Variants in ADAMTS8 observed in about 807,000 individuals in gnomAD.
ADAMTS8 encodes ADAM metallopeptidase with thrombospondin type 1 motif 8, also known as A disintegrin and metalloproteinase with thrombospondin motifs 8.
Under a neutral mutation model 64.4 loss-of-function variants are expected in ADAMTS8, and 50 were observed. The ratio of observed to expected loss-of-function variants is 0.78; its 90% CI spans 0.62 to 0.98. The LOEUF is 0.98. Among genes scored for constraint, ADAMTS8 ranks in the 50% least tolerant of loss-of-function variants. ADAMTS8 has a pLI of 0.00. For synonymous variants in ADAMTS8, 556 were observed against 533.6 expected, an observed-to-expected ratio of 1.04 and a Z score of -0.58; for missense variants, 1,192 against 1,208.2, an observed-to-expected ratio of 0.99 and a Z score of 0.20.
Position 130,416,552 on chromosome 11 carries a change from A to T in ADAMTS8, c.1097-222T>A, listed in dbSNP as rs1312864325. 6.6e-6 allele frequency among the ~76,000 whole-genome samples: 1 copy of T among 152,188 alleles called. No homozygotes were observed. Among genetic ancestry groups the T allele is most frequent in the Non-Finnish European group, 1.5e-5 (1 of 68,038 alleles). ...TATTTTCTGCCTCAGCCCGTCCTGA[A>T]TTTGGATCTAGCTCTGTTATTTGCC... is the stretch of plus-strand genomic sequence containing the variant. On this transcript the variant is annotated intron_variant, in intron 3 of 8. Transcript: ENST00000257359. This position sits in a 1 kb window ranked among gnomAD's most constrained non-coding sequence, Gnocchi z 4.8.
At chr11:130,413,480 C>T (rs765971526) in intron 5 of ADAMTS8, among the ~76,000 whole-genome samples, 27 of 152,168 alleles carry the variant, frequency 1.8e-4, no homozygotes, top group Admixed American at 9.8e-4. Context: ...GGCGATTCAG[C>T]GCTGGCGGGG....
chr11:130,410,539 TTCTTG>T (rs1434504370), intron 6 of ADAMTS8, among the ~76,000 whole-genome samples: 1 of 152,198 alleles, frequency 6.6e-6, no homozygotes, highest in East Asian at 1.9e-4. Context: ...TTGTGGATCC[TTCTTG>T]TCTTGTGAAA....
rs201353768 is a variant in ADAMTS8 at position 130,408,558 on chromosome 11, C to G, written c.2005G>C (p.Val669Leu). 3.1e-6 allele frequency: 5 copies of G among 1,614,234 alleles called. No individual in the cohort carries two copies. The East Asian group carries it at 8.9e-5, about 29-fold the overall frequency. The change falls in exon 8 of 9, where the codon GTG becomes CTG. Residue 669 changes from valine to leucine, a missense_variant. Val to Leu is a conservative substitution (Grantham distance 32, BLOSUM62 1). Transcript: ENST00000257359. Reference sequence around the variant, plus strand: ...TCCAGCTTCCGAGGCGAGTCCACCACATGGTCACAGCCGGCCTTGACACAC... The same window carrying G: ...TCCAGCTTCCGAGGCGAGTCCACCAGATGGTCACAGCCGGCCTTGACACAC... Reference protein sequence around the residue: ...GQCVKAGCDHVVDSPRKLDKC... With the variant: ...GQCVKAGCDHLVDSPRKLDKC...
chr11:130,415,846 G>C (rs1274324261), intron 4 of ADAMTS8, among the ~76,000 whole-genome samples: 6 of 152,134 alleles, frequency 3.9e-5, no homozygotes, highest in African/African-American at 1.4e-4. Flanking sequence ...CGCCTGAGCT[G>C]TTGTAGGTTC....
Position 130,414,684 on chromosome 11 carries a change from GAC to G in ADAMTS8, c.1411_1412del (p.Val471LeufsTer9), listed in dbSNP as rs1565376277. ...RHCPNTSAQD[V>X]CAQLWCHTDG... ...CAGTGTGGCACCAAAGCTGGGCGCAGACGTCCTGAGCAGAGGTGTTGGGGCAG... is the reference window on the plus strand; with the variant it reads ...CAGTGTGGCACCAAAGCTGGGCGCAGGTCCTGAGCAGAGGTGTTGGGGCAG... On this transcript the variant is annotated frameshift_variant, in exon 5 of 9. Coordinates refer to ENST00000257359, the MANE Select transcript of ADAMTS8 (RefSeq NM_007037.6). LOFTEE classifies it high-confidence loss of function. The G allele has an allele frequency of 1.9e-6, 3 of 1,613,882 alleles. No homozygotes were observed. Among genetic ancestry groups the G allele is most frequent in the Non-Finnish European group, 2.5e-6 (3 of 1,180,036 alleles).
rs918903582 is a variant in ADAMTS8, at chr11:130,411,869, G to A, written c.1567-269C>T. 2.8e-5 allele frequency: 13 copies of A among 461,548 alleles called. No homozygotes were observed. The highest frequency in any genetic ancestry group is 5.0e-5 in the Non-Finnish European group (13 of 259,270). The allele number at this position is 461,548 out of a possible 1,614,324, so 28.6% of individuals were successfully genotyped here. On this transcript the variant is annotated intron_variant, in intron 5 of 8. Coordinates refer to ENST00000257359, the MANE Select transcript of ADAMTS8 (RefSeq NM_007037.6). This position sits in a 1 kb window ranked among gnomAD's most constrained non-coding sequence, Gnocchi z 4.2. ...TAGTAAGGTGCTCAATAGGCTATCT[G>A]CTGAATGAATGAATGACACCCTTTT...
chr11:130,413,727 T>C (rs992155885), intron 5 of ADAMTS8, among the ~76,000 whole-genome samples: 5 of 152,212 alleles, frequency 3.3e-5, no homozygotes, highest in African/African-American at 1.2e-4. Context: ...TCCTCCTCTT[T>C]GAATACGGAA....
Position 130,416,227 on chromosome 11 carries a change from G to T in ADAMTS8, c.1200C>A (p.Asn400Lys). 1.3e-6 allele frequency: 2 copies of T among 1,594,940 alleles called. No homozygotes were observed. The highest frequency in any genetic ancestry group is 2.3e-5 in the East Asian group (1 of 43,870). Residue 400 changes from asparagine to lysine, a missense_variant, in exon 4 of 9, where the codon AAC (asparagine) becomes AAA (lysine). Coordinates refer to ENST00000257359, the MANE Select transcript of ADAMTS8 (RefSeq NM_007037.6). The surrounding 1 kb of genome is among the most constrained non-coding windows in gnomAD (Gnocchi z 4.8). ...HVMAPLFVHL[N>K]QTLPWSPCSA... ...TGCAGGGGGACCAGGGCAGCGTCTG[G>T]TTCAGGTGGACGAACAGCGGTGCCA... is the stretch of plus-strand genomic sequence containing the variant.
chr11:130,407,196 A>C (rs1277073787), intron 8 of ADAMTS8, among the ~76,000 whole-genome samples: 1 of 151,994 alleles, frequency 6.6e-6, no homozygotes, highest in Non-Finnish European at 1.5e-5. Context: ...GACGAAACCC[A>C]GTCTCTACTA....
At chr11:130,421,269 G>C (rs995997450) in intron 1 of ADAMTS8, among the ~76,000 whole-genome samples, 1 of 152,198 alleles carries the variant, frequency 6.6e-6, no homozygotes, top group African/African-American at 2.4e-5. Flanking sequence ...ACCGGAGGAA[G>C]GTGAGGGTTA....
intron 5 of ADAMTS8, among the ~76,000 whole-genome samples, chr11:130,413,074 T>TTGGTGAGGC (rs1861973236): frequency 6.6e-6 from 1 of 152,004 alleles, no homozygotes; most frequent in Non-Finnish European, 1.5e-5. Flanking sequence ...TTTCACCATG[T>TTGGTGAGGC]TGGTGAGGCT....
chr11:130,416,473 G>A lies in ADAMTS8; in HGVS notation c.1097-143C>T, dbSNP rs1862026802. 3 of 949,356 alleles carry A rather than the reference G, an allele frequency of 3.2e-6. No homozygotes were observed. The highest frequency in any genetic ancestry group is 2.9e-5 in the Admixed American group (1 of 34,138). 58.8% of individuals were successfully genotyped at this position (949,356 alleles called of 1,614,324 possible). A position where few individuals can be genotyped will look rare whatever the true frequency, so the allele number is the denominator to read the frequency against. ...ATTTCTGCGTAGGGCTTTCCCCTGC[G>A]CTTTGCTCTTCCAGGACGCGTTCTC... On this transcript the variant is annotated intron_variant, in intron 3 of 8. Coordinates refer to ENST00000257359, the MANE Select transcript of ADAMTS8 (RefSeq NM_007037.6). This position sits in a 1 kb window ranked among gnomAD's most constrained non-coding sequence, Gnocchi z 4.8.
At chr11:130,420,690 G>A (rs1261472890) in intron 1 of ADAMTS8, among the ~76,000 whole-genome samples, 1 of 152,114 alleles carries the variant, frequency 6.6e-6, no homozygotes, top group African/African-American at 2.4e-5. Context: ...CACAGGCAAT[G>A]AGCCAGGTAT....
In ADAMTS8 at chr11:130,416,397, G is replaced by A; in HGVS notation, c.1097-67C>T. The A allele has an allele frequency of 1.4e-6, 2 of 1,462,312 alleles. No homozygotes were observed. Among genetic ancestry groups the A allele is most frequent in the Non-Finnish European group, 1.8e-6 (2 of 1,102,524 alleles). 90.6% of individuals were successfully genotyped at this position (1,462,312 alleles called of 1,614,324 possible). A position where few individuals can be genotyped will look rare whatever the true frequency, so the allele number is the denominator to read the frequency against. Reference sequence around the variant, plus strand: ...AGGGCGCCCCACCTGGCCCAGCTAGGGACAGAGATGGAGCTCCTCAGGGGA... The same window carrying A: ...AGGGCGCCCCACCTGGCCCAGCTAGAGACAGAGATGGAGCTCCTCAGGGGA... On this transcript the variant is annotated intron_variant, in intron 3 of 8. Coordinates refer to ENST00000257359, the MANE Select transcript of ADAMTS8 (RefSeq NM_007037.6). This position sits in a 1 kb window ranked among gnomAD's most constrained non-coding sequence, Gnocchi z 4.8.
intron 5 of ADAMTS8, 97 bp downstream of exon 5, chr11:130,414,434 C>G (rs1861992272): frequency 7.1e-7 from 1 of 1,416,336 alleles, no homozygotes; most frequent in Non-Finnish European, 9.5e-7. Flanking sequence ...TCATGACTCT[C>G]AAGTGTGGTT....
chr11:130,424,843 C>A (rs1452977696), intron 1 of ADAMTS8, among the ~76,000 whole-genome samples: 1 of 152,114 alleles, frequency 6.6e-6, no homozygotes, highest in African/African-American at 2.4e-5. Flanking sequence ...CTCAGTCCCT[C>A]CCCCACCCGC....
In ADAMTS8 at chr11:130,405,843, G is replaced by A. The variant is rs753432356; in HGVS notation, c.2385C>T (p.Gly795=). The A allele has an allele frequency of 4.3e-5, 70 of 1,613,790 alleles. No homozygotes were observed. The highest frequency in any genetic ancestry group is 2.0e-4 in the Admixed American group (12 of 60,012). Residue 795 remains glycine (G), a synonymous_variant, in exon 9 of 9, where the codon GGC becomes GGT. Coordinates refer to ENST00000257359, the MANE Select transcript of ADAMTS8 (RefSeq NM_007037.6). ...ATTTGACTTTTGGGGGGAAGACCTC[G>A]CCAGGGACTGTCAGGAGCTGCACTG... ...PLTVQLLTVP[G]EVFPPKVKYT...
intron 1 of ADAMTS8, among the ~76,000 whole-genome samples, chr11:130,424,685 T>G (rs1192858006): frequency 6.6e-6 from 1 of 152,186 alleles, no homozygotes; most frequent in Non-Finnish European, 1.5e-5. Flanking sequence ...AACTTGATTT[T>G]CATTCTTCTC....
Position 130,416,983 on chromosome 11 carries a change from C to G in ADAMTS8, c.1053G>C (p.Glu351Asp). 1.9e-6 allele frequency: 3 copies of G among 1,614,138 alleles called. No individual in the cohort carries two copies. Among genetic ancestry groups the G allele is most frequent in the Non-Finnish European group, 2.5e-6 (3 of 1,180,038 alleles). Residue 351 changes from glutamate (E) to aspartate (D), a missense_variant, in exon 3 of 9, where the codon GAG becomes GAC. By Grantham distance (45) the Glu-to-Asp change is conservative (BLOSUM62 2). This residue lies in a region of ADAMTS8 where 741 missense variants were observed against 710.6 expected (regional missense o/e 1.04). Coordinates refer to ENST00000257359, the MANE Select transcript of ADAMTS8 (RefSeq NM_007037.6). This position sits in a 1 kb window ranked among gnomAD's most constrained non-coding sequence, Gnocchi z 4.8. Reference protein sequence around the residue: ...CDPNKSCSVIEDEGLQAAHTL... With the variant: ...CDPNKSCSVIDDEGLQAAHTL... ...TGTGGGCCGCCTGGAGCCCCTCATCCTCGATCACGGAGCAGCTTTTGTTGG... is the reference window on the plus strand; with the variant it reads ...TGTGGGCCGCCTGGAGCCCCTCATCGTCGATCACGGAGCAGCTTTTGTTGG...
Sources: gnomAD v4.1 joint callset for allele counts (sites outside exome capture counted in the v4.1 genomes callset) on GRCh38, gnomAD v4.1.1 for gene constraint, gnomAD v4.1.1 regional missense constraint, Gnocchi (gnomAD v3.1) non-coding constraint, MANE v1.5 for transcripts, NCBI Gene and HGNC (gene_info 2026-07-23, HGNC 2026-07-21) for gene names.